The following GPC6 variants were observed in gnomAD, a reference collection of about 807,000 sequenced individuals.
The protein encoded by GPC6 is glypican 6, also known as glypican-6.
In GPC6, 14 loss-of-function variants were observed where a neutral mutation model predicts 55.2. The ratio of observed to expected loss-of-function variants is 0.25; its 90% CI spans 0.17 to 0.40. The LOEUF is 0.40. Ranked by LOEUF, GPC6 falls within the 10% of genes least tolerant of loss-of-function variation. GPC6 has a pLI of 1.00. For synonymous variants in GPC6, 278 were observed against 259.6 expected (o/e 1.07, Z -0.68); for missense variants, 641 against 708.5 (o/e 0.90, Z 1.08).
chr13:94,174,608 A>G (rs1277292264), intron 4 of GPC6, among the ~76,000 whole-genome samples: 3 of 152,292 alleles, frequency 2.0e-5, no homozygotes, highest in East Asian at 3.9e-4. Flanking sequence ...TAAGAAAAAA[A>G]TACAGACATT....
chr13:94,115,349 G>A (rs1273023859), intron 4 of GPC6, among the ~76,000 whole-genome samples: 1 of 152,038 alleles, frequency 6.6e-6, no homozygotes, highest in African/African-American at 2.4e-5. Context: ...GGGGTTGGTG[G>A]GGGGGTGTCA....
intron 4 of GPC6, among the ~76,000 whole-genome samples, chr13:94,059,218 T>TC (rs1456637352): frequency 6.7e-6 from 1 of 149,100 alleles, no homozygotes; most frequent in African/African-American, 2.5e-5. Flanking sequence ...GCATTTTTCT[T>TC]TTTTTTTTTT....
chr13:93,767,987 TA>T (rs929584498), intron 2 of GPC6, among the ~76,000 whole-genome samples: 11 of 151,038 alleles, frequency 7.3e-5, no homozygotes, highest in African/African-American at 2.7e-4. Flanking sequence ...AAATAAGCAC[TA>T]AAAAAAAACC....
chr13:94,023,817 A>G lies in GPC6; in HGVS notation c.712-3912A>G, dbSNP rs1169226031. On this transcript the variant is annotated intron_variant, in intron 3 of 8. Coordinates refer to ENST00000377047, the MANE Select transcript of GPC6 (RefSeq NM_005708.5). ...CAATAAAAAGAGATGAACTATTAAT[A>G]TATGCAACAAGTTGGATGGACCTTG... Among the ~76,000 whole-genome samples the G allele has an allele frequency of 2.0e-5, 3 of 152,028 alleles. 1 individual carries two copies. The highest frequency in any genetic ancestry group is 1.3e-4 in the Admixed American group (2 of 15,244).
intron 2 of GPC6, among the ~76,000 whole-genome samples, chr13:93,827,093 A>C (rs1233077997): frequency 6.6e-6 from 1 of 152,182 alleles, no homozygotes; most frequent in Non-Finnish European, 1.5e-5. Flanking sequence ...AAGAAGAAAA[A>C]ATCAAATAGC....
chr13:94,310,756 A>G (rs191174632), intron 6 of GPC6, among the ~76,000 whole-genome samples: 3 of 152,056 alleles, frequency 2.0e-5, no homozygotes, highest in Admixed American at 2.0e-4. Flanking sequence ...CCATTTTCAT[A>G]TTCTTTTCCA....
intron 2 of GPC6, among the ~76,000 whole-genome samples, chr13:93,743,546 T>G (rs959379182): frequency 2.0e-5 from 3 of 152,098 alleles, no homozygotes; most frequent in African/African-American, 7.2e-5. Context: ...TTTTCTTTGT[T>G]TATAGGTTTT....
intron 6 of GPC6, among the ~76,000 whole-genome samples, chr13:94,348,883 T>C (rs1415599696): frequency 6.6e-6 from 1 of 152,168 alleles, no homozygotes; most frequent in East Asian, 1.9e-4. Flanking sequence ...CTTATTAGAA[T>C]CCAAATTCAA....
intron 1 of GPC6, among the ~76,000 whole-genome samples, chr13:93,231,397 G>GTATATATATATATATATATATACGTATA: frequency 2.2e-5 from 1 of 45,852 alleles, no homozygotes; most frequent in African/African-American, 1.0e-4. Context: ...ATATATATAT[G>GTATATATATATATATATATATACGTATA]TATATATATA....
intron 4 of GPC6, among the ~76,000 whole-genome samples, chr13:94,042,676 TG>T (rs1331192758): frequency 2.6e-5 from 4 of 151,906 alleles, no homozygotes; most frequent in African/African-American, 9.7e-5. Context: ...GTAGAGTTAC[TG>T]TATTTTATCC....
intron 2 of GPC6, among the ~76,000 whole-genome samples, chr13:93,621,503 C>A (rs952259620): frequency 3.3e-5 from 5 of 152,104 alleles, no homozygotes; most frequent in African/African-American, 1.2e-4. Context: ...GACTCCCTGG[C>A]CATACCCCAA....
At chr13:93,785,019 A>C (rs1349441751) in intron 2 of GPC6, among the ~76,000 whole-genome samples, 1 of 152,188 alleles carries the variant, frequency 6.6e-6, no homozygotes, top group Non-Finnish European at 1.5e-5. Context: ...TATTTAAGAA[A>C]AGGAAGTAAT....
chr13:94,348,788 G>A (rs1878405665), intron 6 of GPC6, among the ~76,000 whole-genome samples: 1 of 152,102 alleles, frequency 6.6e-6, no homozygotes, highest in African/African-American at 2.4e-5. Context: ...CTGATTAAAT[G>A]TTTAGCCCCT....
chr13:93,300,818 G>A (rs569269901), intron 1 of GPC6, among the ~76,000 whole-genome samples: 37 of 152,016 alleles, frequency 2.4e-4, no homozygotes, highest in Admixed American at 2.0e-3. Flanking sequence ...TCAGGAGTTC[G>A]AGACCAGTCT....
intron 3 of GPC6, among the ~76,000 whole-genome samples, chr13:94,021,229 C>T (rs1882683369): frequency 6.6e-6 from 1 of 151,188 alleles, no homozygotes; most frequent in Non-Finnish European, 1.5e-5. Context: ...TTCATAGAAA[C>T]AAGCATCTGC....
chr13:93,640,677 C>A (rs1879875347), intron 2 of GPC6, among the ~76,000 whole-genome samples: 1 of 149,424 alleles, frequency 6.7e-6, no homozygotes. Context: ...TCTTTTTCTC[C>A]CTCCCTCCCC....
At chr13:94,135,182 T>A (rs1359105006) in intron 4 of GPC6, among the ~76,000 whole-genome samples, 2 of 152,120 alleles carry the variant, frequency 1.3e-5, no homozygotes, top group Non-Finnish European at 2.9e-5. Context: ...CTTTCTTTCT[T>A]TTTAGCATTT....
chr13:93,258,121 G>A (rs1469524761), intron 1 of GPC6, among the ~76,000 whole-genome samples: 1 of 152,150 alleles, frequency 6.6e-6, no homozygotes, highest in Non-Finnish European at 1.5e-5. Context: ...ATCCTCTTGA[G>A]TCTTCATGGG....
intron 1 of GPC6, among the ~76,000 whole-genome samples, chr13:93,425,820 A>G (rs892314718): frequency 7.2e-5 from 11 of 152,184 alleles, no homozygotes; most frequent in African/African-American, 2.4e-4. Context: ...TTCACAAAGC[A>G]CATTACAAGG....
Sources: allele counts gnomAD v4.1 joint callset (sites outside exome capture counted in the v4.1 genomes callset), GRCh38; gene constraint gnomAD v4.1.1; transcripts MANE v1.5; gene names NCBI Gene and HGNC (gene_info 2026-07-23, HGNC 2026-07-21).